The following ZEB1 variants were observed in gnomAD, a reference collection of about 807,000 sequenced individuals.
The protein encoded by ZEB1 is zinc finger E-box-binding homeobox 1.
Under a neutral mutation model 84.9 loss-of-function variants are expected in ZEB1, and 21 were observed. The observed-to-expected ratio is 0.25, with a 90% CI of 0.18 to 0.36. The LOEUF is 0.36. Among genes scored for constraint, ZEB1 ranks in the 10% least tolerant of loss-of-function variants. The pLI is 1.00. For synonymous variants in ZEB1, 420 were observed against 471.1 expected, an observed-to-expected ratio of 0.89 and a Z score of 1.41; for missense variants, 1,104 against 1,330.2, an observed-to-expected ratio of 0.83 and a Z score of 2.65.
chr10:31,408,807 G>T (rs1285899872), intron 1 of ZEB1, among the ~76,000 whole-genome samples: 2 of 150,190 alleles, frequency 1.3e-5, no homozygotes, highest in African/African-American at 2.5e-5. Context: ...AGAAAACCTA[G>T]ACATTACCAT....
chr10:31,398,788 G>GT (rs201568974), intron 1 of ZEB1, among the ~76,000 whole-genome samples: 8 of 150,550 alleles, frequency 5.3e-5, no homozygotes, highest in African/African-American at 9.7e-5. Flanking sequence ...ACACTGTCCT[G>GT]TTTTTTTTTC....
chr10:31,342,182 C>T (rs1053991955), intron 1 of ZEB1, among the ~76,000 whole-genome samples: 1 of 152,116 alleles, frequency 6.6e-6, no homozygotes, highest in African/African-American at 2.4e-5. Flanking sequence ...ACAGAATAGG[C>T]TCAAATACTT....
chr10:31,368,664 A>C (rs1173571931), intron 1 of ZEB1, among the ~76,000 whole-genome samples: 1 of 152,090 alleles, frequency 6.6e-6, no homozygotes, highest in East Asian at 1.9e-4. Context: ...CTCGTTAAGC[A>C]TTTATTTTCT....
intron 1 of ZEB1, among the ~76,000 whole-genome samples, chr10:31,452,742 T>TGTGTGTGTGTGTGA (rs1387786622): frequency 1.3e-4 from 12 of 90,736 alleles, no homozygotes; most frequent in Non-Finnish European, 2.3e-4. Flanking sequence ...TGTGTGTGTG[T>TGTGTGTGTGTGTGA]GAGAGAGAGA....
chr10:31,452,105 A>T (rs1236642280), intron 1 of ZEB1, among the ~76,000 whole-genome samples: 1 of 152,090 alleles, frequency 6.6e-6, no homozygotes, highest in Non-Finnish European at 1.5e-5. Flanking sequence ...TGAAAATATA[A>T]AAAGAGTTTA....
intron 1 of ZEB1, among the ~76,000 whole-genome samples, chr10:31,380,535 G>T (rs1007656284): frequency 6.6e-6 from 1 of 151,772 alleles, no homozygotes; most frequent in Non-Finnish European, 1.5e-5. Flanking sequence ...CTTTCCTCCC[G>T]TGGGAAAAGT....
chr10:31,519,461 A>G (rs542583083), intron 6 of ZEB1, among the ~76,000 whole-genome samples: 3 of 152,336 alleles, frequency 2.0e-5, no homozygotes, highest in African/African-American at 7.2e-5. Context: ...CTGTTTTAAT[A>G]TAAAAATAAT....
At chr10:31,363,395 T>C (rs2043749750) in intron 1 of ZEB1, 1 of 1,534,550 alleles carries the variant, frequency 6.5e-7, no homozygotes, top group Non-Finnish European at 8.7e-7. Flanking sequence ...GTCTGATTCT[T>C]TTCTGTCAAG....
At chr10:31,489,143 C>T (rs1018934935) in intron 2 of ZEB1, among the ~76,000 whole-genome samples, 2 of 151,140 alleles carry the variant, frequency 1.3e-5, no homozygotes, top group African/African-American at 2.4e-5. Flanking sequence ...TTTTAAAGCT[C>T]TGTTGTTAAA....
intron 1 of ZEB1, among the ~76,000 whole-genome samples, chr10:31,376,736 AAT>A (rs2046691650): frequency 6.6e-6 from 1 of 151,614 alleles, no homozygotes; most frequent in East Asian, 1.9e-4. Flanking sequence ...CTTGTGGAAA[AAT>A]ATATTATTTG....
chr10:31,416,127 A>C (rs910610776), intron 1 of ZEB1, among the ~76,000 whole-genome samples: 1 of 152,000 alleles, frequency 6.6e-6, no homozygotes, highest in Admixed American at 6.6e-5. Flanking sequence ...ATTTTTTTTC[A>C]GATTTCAAAT....
At chr10:31,517,919 A>T (rs1312632979) in intron 6 of ZEB1, among the ~76,000 whole-genome samples, 1 of 152,098 alleles carries the variant, frequency 6.6e-6, no homozygotes, top group Non-Finnish European at 1.5e-5. Flanking sequence ...CAGAGGGCTT[A>T]ATTAACTTGT....
intron 1 of ZEB1, among the ~76,000 whole-genome samples, chr10:31,339,491 C>G (rs923985503): frequency 3.3e-5 from 5 of 152,126 alleles, no homozygotes; most frequent in Non-Finnish European, 7.4e-5. Flanking sequence ...TATATAAGGC[C>G]AGGCGCCGTG....
chr10:31,342,340 T>A (rs2039535093), intron 1 of ZEB1, among the ~76,000 whole-genome samples: 1 of 152,106 alleles, frequency 6.6e-6, no homozygotes, highest in Admixed American at 6.6e-5. Context: ...ATTAGGGAGC[T>A]GATGGAAAAT....
intron 1 of ZEB1, among the ~76,000 whole-genome samples, chr10:31,433,349 T>C (rs544149014): frequency 2.6e-4 from 39 of 152,324 alleles, no homozygotes; most frequent in Middle Eastern, 3.4e-3. Context: ...GCAGTTAACA[T>C]GTTTTCCAAA....
rs1015936242 is a variant in ZEB1 at position 31,416,242 on chromosome 10, A to C, written c.59-44795A>C. On this transcript the variant is annotated intron_variant, in intron 1 of 8. Coordinates refer to ENST00000424869, the MANE Select transcript of ZEB1 (RefSeq NM_001174096.2). ...CTTCATACTTTAGGAAAGACGATTT[A>C]GTTCTAAATATATTTATAAGTGAGT... Among the ~76,000 whole-genome samples the C allele has an allele frequency of 3.3e-5, 5 of 152,112 alleles. No homozygotes were observed. In the South Asian group the frequency reaches 1.0e-3, roughly 31 times the overall value.
At chr10:31,339,905 T>C (rs1344420641) in intron 1 of ZEB1, among the ~76,000 whole-genome samples, 6 of 152,178 alleles carry the variant, frequency 3.9e-5, no homozygotes, top group Non-Finnish European at 8.8e-5. Flanking sequence ...TTTGTTTTGC[T>C]TCATTTCTCT....
intron 2 of ZEB1, among the ~76,000 whole-genome samples, chr10:31,466,687 G>A (rs1329676376): frequency 6.6e-6 from 1 of 151,906 alleles, no homozygotes; most frequent in East Asian, 1.9e-4. Context: ...ACTTAATATT[G>A]GACCTCATGG....
intron 1 of ZEB1, among the ~76,000 whole-genome samples, chr10:31,404,895 CAG>C (rs774268108): frequency 2.4e-4 from 36 of 152,060 alleles, no homozygotes; most frequent in Non-Finnish European, 5.0e-4. Context: ...GTCAAGGTCA[CAG>C]GGAGAAAAAG....
Sources: gnomAD v4.1 joint callset for allele counts (sites outside exome capture counted in the v4.1 genomes callset) on GRCh38, gnomAD v4.1.1 for gene constraint, MANE v1.5 for transcripts, NCBI Gene and HGNC (gene_info 2026-07-23, HGNC 2026-07-21) for gene names.